DPY19L2: variants seen among roughly 807,000 people sequenced by gnomAD.
The protein encoded by DPY19L2 is probable C-mannosyltransferase DPY19L2.
A neutral mutation model predicts 97.9 loss-of-function variants in DPY19L2; 34 were observed. The ratio of observed to expected loss-of-function variants is 0.35; its 90% CI spans 0.26 to 0.46. The LOEUF is 0.46. Ranked by LOEUF, DPY19L2 falls within the 20% of genes least tolerant of loss-of-function variation. The probability of loss-of-function intolerance (pLI) is 1.00; values close to 1 mark genes in which losing one functional copy is unlikely to be tolerated. For missense variants in DPY19L2, 623 were observed against 911.4 expected (o/e 0.68, Z 4.07); for synonymous variants, 230 against 307.9 (o/e 0.75, Z 2.65).
chr12:63,634,872 A>G (rs1485533892), intron 6 of DPY19L2, among the ~76,000 whole-genome samples: 2 of 152,198 alleles, frequency 1.3e-5, no homozygotes, highest in Non-Finnish European at 1.5e-5. Context: ...GTTGCCAAAC[A>G]AAAGGCAGCA....
intron 11 of DPY19L2, among the ~76,000 whole-genome samples, chr12:63,614,479 T>C (rs939223713): frequency 6.6e-6 from 1 of 151,990 alleles, no homozygotes; most frequent in African/African-American, 2.4e-5. Flanking sequence ...ACAATATAGA[T>C]ACAGAATTAG....
intron 6 of DPY19L2, among the ~76,000 whole-genome samples, chr12:63,637,111 A>G (rs897597870): frequency 6.6e-6 from 1 of 152,204 alleles, no homozygotes; most frequent in African/African-American, 2.4e-5. Flanking sequence ...CAATCAAACT[A>G]GAACTCAGGA....
chr12:63,617,241 T>G lies in DPY19L2; in HGVS notation c.1218+63A>C, dbSNP rs1445572189. On this transcript the variant is annotated intron_variant, in intron 11 of 21. Coordinates refer to ENST00000324472, the MANE Select transcript of DPY19L2 (RefSeq NM_173812.5). ...CCTATTTATTCTCTTATACCTGTTT[T>G]AGACAGGAAAACATGCTATTTGGCA... 4 of 1,034,672 alleles carry G rather than the reference T, an allele frequency of 3.9e-6. No individual in the cohort carries two copies. The Admixed American group carries it at 8.8e-5, about 23-fold the overall frequency. The allele number at this position is 1,034,672 out of a possible 1,614,324, so 64.1% of individuals were successfully genotyped here. A position where few individuals can be genotyped will look rare whatever the true frequency, so the allele number is the denominator to read the frequency against.
chr12:63,586,958 G>A (rs1881895262), intron 16 of DPY19L2, among the ~76,000 whole-genome samples: 1 of 152,018 alleles, frequency 6.6e-6, no homozygotes, highest in Admixed American at 6.6e-5. Context: ...AGTTATCACA[G>A]TTAATATGAA....
chr12:63,601,657 A>G (rs949479837), intron 12 of DPY19L2, among the ~76,000 whole-genome samples: 14 of 152,180 alleles, frequency 9.2e-5, no homozygotes, highest in African/African-American at 3.1e-4. Context: ...AAGAAAGAGA[A>G]AAGTCCATCC....
At chr12:63,603,302 T>G (rs1285226113) in intron 12 of DPY19L2, among the ~76,000 whole-genome samples, 2 of 152,190 alleles carry the variant, frequency 1.3e-5, no homozygotes, top group African/African-American at 4.8e-5. Context: ...TGTATCTATT[T>G]TGCTGTTTTA....
intron 16 of DPY19L2, 49 bp downstream of exon 16, chr12:63,594,038 T>C: frequency 6.2e-6 from 8 of 1,285,666 alleles, no homozygotes; most frequent in Non-Finnish European, 8.6e-6. Flanking sequence ...CAGTAAGTTA[T>C]TTAATAATGG....
intron 6 of DPY19L2, among the ~76,000 whole-genome samples, chr12:63,636,598 GAAAAC>G (rs1014436688): frequency 1.3e-5 from 2 of 151,802 alleles, no homozygotes; most frequent in African/African-American, 4.8e-5. Flanking sequence ...CAAGCAAACA[GAAAAC>G]AAAACAAAAC....
chr12:63,606,020 A>T (rs1431115145), intron 12 of DPY19L2, among the ~76,000 whole-genome samples: 6 of 152,156 alleles, frequency 3.9e-5, no homozygotes, highest in Non-Finnish European at 7.4e-5. Flanking sequence ...TGTTAGATTC[A>T]TTCAGATCCT....
At chr12:63,630,553 C>T (rs1028074978) in intron 6 of DPY19L2, among the ~76,000 whole-genome samples, 26 of 151,994 alleles carry the variant, frequency 1.7e-4, no homozygotes, top group African/African-American at 5.8e-4. Flanking sequence ...ACAGGAGCAC[C>T]TAGATTCATA....
chr12:63,599,211 A>T lies in DPY19L2; in HGVS notation c.1359+1095T>A, dbSNP rs1884748218. Among the ~76,000 whole-genome samples, 4 of 152,080 alleles carry T rather than the reference A, an allele frequency of 2.6e-5. No individual in the cohort carries two copies. In the South Asian group the frequency reaches 8.3e-4, roughly 32 times the overall value. On this transcript the variant is annotated intron_variant, in intron 13 of 21. Transcript: ENST00000324472. Reference sequence around the variant, plus strand: ...AAAAAAAAAAAAGATTTAGATTTGTAAAGATCTGGGGGTCAATGTGAAGTA... The same window carrying T: ...AAAAAAAAAAAAGATTTAGATTTGTTAAGATCTGGGGGTCAATGTGAAGTA...
chr12:63,592,743 T>G (rs1407423827), intron 16 of DPY19L2, among the ~76,000 whole-genome samples: 1 of 150,730 alleles, frequency 6.6e-6, no homozygotes, highest in Non-Finnish European at 1.5e-5. Context: ...GGACTTCATG[T>G]CTAAAACACC....
chr12:63,581,950 G>A (rs565403172), intron 18 of DPY19L2, among the ~76,000 whole-genome samples: 11 of 149,308 alleles, frequency 7.4e-5, no homozygotes, highest in Non-Finnish European at 1.5e-5. Flanking sequence ...ACAGGCACTC[G>A]CCACCATACC....
At chr12:63,588,716 C>G (rs540970800) in intron 16 of DPY19L2, among the ~76,000 whole-genome samples, 9 of 147,352 alleles carry the variant, frequency 6.1e-5, no homozygotes, top group African/African-American at 2.2e-4. Context: ...TAAAATTATC[C>G]TGGTTTATAT....
At chr12:63,591,546 AG>A (rs1882913785) in intron 16 of DPY19L2, among the ~76,000 whole-genome samples, 1 of 152,058 alleles carries the variant, frequency 6.6e-6, no homozygotes, top group African/African-American at 2.4e-5. Flanking sequence ...TTACTTCTTG[AG>A]TTTTGTAGCA....
At chr12:63,627,449 A>G (rs577109657) in intron 6 of DPY19L2, among the ~76,000 whole-genome samples, 2 of 152,148 alleles carry the variant, frequency 1.3e-5, no homozygotes, top group Admixed American at 1.3e-4. Flanking sequence ...TCCCTGGTTC[A>G]AGCCGATTCT....
At chr12:63,657,121 T>C (rs956061631) in intron 4 of DPY19L2, among the ~76,000 whole-genome samples, 3 of 152,182 alleles carry the variant, frequency 2.0e-5, no homozygotes, top group South Asian at 2.1e-4. Flanking sequence ...ACAGTAGACA[T>C]AGAGGTCAGT....
At chr12:63,570,986 C>A in intron 19 of DPY19L2, 129 bp from the exon 20 acceptor site, 2 of 839,762 alleles carry the variant, frequency 2.4e-6, no homozygotes, top group Non-Finnish European at 3.6e-6. Context: ...GGACCTCATT[C>A]TTTTATTGAC....
At position 63,624,079 on chromosome 12, in the gene DPY19L2, A is replaced by G. The variant is rs770656278; in HGVS notation, c.914T>C (p.Phe305Ser). 30 of 1,611,694 alleles carry G rather than the reference A, an allele frequency of 1.9e-5. No individual in the cohort carries two copies. The highest frequency in any genetic ancestry group is 2.3e-5 in the Non-Finnish European group (27 of 1,179,672). Residue 305 changes from phenylalanine (F) to serine (S), a missense_variant, in exon 8 of 22, where the codon TTC becomes TCC. Physicochemically the swap from Phe to Ser is radical, Grantham distance 155. This residue lies in a region of DPY19L2 where 67 missense variants were observed against 88.0 expected (regional missense o/e 0.76). Coordinates refer to ENST00000324472, the MANE Select transcript of DPY19L2 (RefSeq NM_173812.5). ...TAAAATACACATCTGAAGTACAAGGAAAGGATAGGAAAAACTTTCACGGAG... is the reference window on the plus strand; with the variant it reads ...TAAAATACACATCTGAAGTACAAGGGAAGGATAGGAAAAACTTTCACGGAG... ...PPLRESFSYP[F>S]LVLQMCILTL...
Sources: allele counts gnomAD v4.1 joint callset (sites outside exome capture counted in the v4.1 genomes callset), GRCh38; gene constraint gnomAD v4.1.1; regional missense constraint gnomAD v4.1.1; transcripts MANE v1.5; gene names NCBI Gene and HGNC (gene_info 2026-07-23, HGNC 2026-07-21).